PTOV1: variants seen among roughly 807,000 people sequenced by gnomAD.
PTOV1 encodes PTOV1 extended AT-hook containing adaptor protein, also known as prostate tumor-overexpressed gene 1 protein.
A neutral mutation model predicts 58.0 loss-of-function variants in PTOV1; 20 were observed. That is an observed-to-expected ratio of 0.34 (90% CI 0.24 to 0.50). The LOEUF (loss-of-function observed/expected upper bound fraction) is 0.50, where lower values mean the gene tolerates loss of function less well. Ranked by LOEUF, PTOV1 falls within the 20% of genes least tolerant of loss-of-function variation. The probability of loss-of-function intolerance (pLI) is 0.98; values close to 1 mark genes in which losing one functional copy is unlikely to be tolerated. For missense variants in PTOV1, 593 were observed against 565.4 expected, an observed-to-expected ratio of 1.05 and a Z score of -0.50; for synonymous variants, 335 against 234.2, an observed-to-expected ratio of 1.43 and a Z score of -3.93.
chr19:49,859,866 G>A lies in PTOV1; in HGVS notation c.1042-120G>A, dbSNP rs925146414. ...GGCCCACCTCCAGGGTGGGTGGGGG[G>A]TGTGAGGACAGAGCAGTTAGGCTGT... On this transcript the variant is annotated intron_variant, in intron 10 of 11. Transcript: ENST00000391842. The A allele has an allele frequency of 9.2e-6, 10 of 1,087,872 alleles. No homozygotes were observed. In the African/African-American group the frequency reaches 1.2e-4, roughly 14 times the overall value. The allele number at this position is 1,087,872 out of a possible 1,614,324, so 67.4% of individuals were successfully genotyped here. A position where few individuals can be genotyped will look rare whatever the true frequency, so the allele number is the denominator to read the frequency against.
exon 10 of PTOV1, chr19:49,858,578 G>T (rs372015619): frequency 1.9e-6 from 3 of 1,605,068 alleles, no homozygotes; most frequent in Non-Finnish European, 1.7e-6. Context: ...TCCGGAACTC[G>T]CGCCTGGTCC....
downstream of PTOV1, chr19:49,860,736 A>C: frequency 3.4e-6 from 1 of 290,538 alleles, no homozygotes; most frequent in Non-Finnish European, 6.5e-6. Flanking sequence ...AGCCTTTTAA[A>C]AACCTGCCTG....
intron 6 of PTOV1, chr19:49,857,447 G>A (rs2074524288): frequency 1.6e-6 from 1 of 608,134 alleles, no homozygotes; most frequent in Non-Finnish European, 2.9e-6. Flanking sequence ...GTCATGCCTT[G>A]CCAGTTGAGG....
rs779809681 is a variant in PTOV1, at chr19:49,860,321, GC to G, written c.*47del. ...GGCCCCTCCAGGAGTCACAGATGAG[GC>G]CCCCGCAGAGACTGGTGAGTGGTGA... On this transcript the variant is annotated 3_prime_UTR_variant, in exon 12 of 12. Transcript: ENST00000391842. The G allele has an allele frequency of 2.9e-6, 4 of 1,361,474 alleles. No individual in the cohort carries two copies. In the South Asian group the frequency reaches 4.6e-5, roughly 16 times the overall value. 84.3% of individuals were successfully genotyped at this position (1,361,474 alleles called of 1,614,324 possible).
intron 10 of PTOV1, 115 bp downstream of exon 10, chr19:49,858,768 G>C: frequency 2.2e-6 from 2 of 891,826 alleles, no homozygotes; most frequent in Non-Finnish European, 1.8e-6. Flanking sequence ...ACCAGCTGGG[G>C]AGAGAGGGTG....
exon 12 of PTOV1, chr19:49,860,367 GACC>G: frequency 1.9e-6 from 1 of 535,130 alleles, no homozygotes; most frequent in Non-Finnish European, 3.4e-6. Flanking sequence ...GTACAGGAGG[GACC>G]CTGGGGCATG....
chr19:49,860,549 C>T, exon 12 of PTOV1: 1 of 590,670 alleles, frequency 1.7e-6, no homozygotes, highest in Non-Finnish European at 3.0e-6. Context: ...CCTCTGCTCA[C>T]AGGGATGTGG....
chr19:49,856,742 C>T lies in PTOV1; in HGVS notation c.559-233C>T, dbSNP rs550890771. On this transcript the variant is annotated intron_variant, in intron 5 of 11. Coordinates refer to ENST00000391842, the Ensembl canonical transcript of PTOV1. ...GGTAGTGCCTTCTTGGCATTCTCAC[C>T]GCAGCCTGGGTGCCGGGTGCCACTC... is the stretch of plus-strand genomic sequence containing the variant. 242 of 533,488 alleles carry T rather than the reference C, an allele frequency of 4.5e-4. 1 individual carries two copies. The highest frequency in any genetic ancestry group is 3.6e-3 in the African/African-American group (190 of 52,212). The allele number at this position is 533,488 out of a possible 1,614,324, so 33.0% of individuals were successfully genotyped here.
At chr19:49,855,739 G>A (rs1446496117) in intron 5 of PTOV1, 3 of 154,938 alleles carry the variant, frequency 1.9e-5, no homozygotes, top group African/African-American at 7.2e-5. Flanking sequence ...TCTGAGGTAG[G>A]GAGGACAGGG....
intron 1 of PTOV1, chr19:49,852,594 TGATGTGC>T (rs2074296414): frequency 6.6e-6 from 1 of 152,232 alleles, no homozygotes; most frequent in Non-Finnish European, 1.5e-5. Context: ...CGTCCCATCT[TGATGTGC>T]TGCTCCTGCT....
chr19:49,851,702 G>T, intron 1 of PTOV1: 1 of 1,153,402 alleles, frequency 8.7e-7, no homozygotes, highest in Non-Finnish European at 1.1e-6. Context: ...GTTCGGGCCG[G>T]GGTGGGGGGT....
chr19:49,856,726 T>G (rs1274679284), intron 5 of PTOV1: 6 of 502,284 alleles, frequency 1.2e-5, no homozygotes, highest in African/African-American at 5.8e-5. Context: ...AGGTAGTGCC[T>G]TCTTGGCATT....
chr19:49,854,266 G>A, intron 1 of PTOV1, 140 bp from the exon 2 acceptor site: 1 of 1,131,124 alleles, frequency 8.8e-7, no homozygotes, highest in South Asian at 1.5e-5. Flanking sequence ...GGTGAGCAGA[G>A]GGTTTGGACA....
At chr19:49,860,453 C>T in exon 12 of PTOV1, 4 of 1,007,940 alleles carry the variant, frequency 4.0e-6, no homozygotes, top group Non-Finnish European at 5.7e-6. Context: ...GGAGAGGCAG[C>T]AGTCCCAGCG....
upstream of PTOV1, chr19:49,851,149 C>G (rs980730058): frequency 2.3e-6 from 3 of 1,303,936 alleles, no homozygotes; most frequent in South Asian, 2.1e-5. Flanking sequence ...CGGGCTCCCC[C>G]GCTCGCCTCA....
exon 12 of PTOV1, chr19:49,860,385 G>T: frequency 7.8e-7 from 1 of 1,274,752 alleles, no homozygotes; most frequent in Non-Finnish European, 1.1e-6. Flanking sequence ...GGCATGTGGG[G>T]GGGGTGGGGT....
At chr19:49,854,312 G>A in intron 1 of PTOV1, 94 bp from the exon 2 acceptor site, 2 of 1,491,542 alleles carry the variant, frequency 1.3e-6, no homozygotes, top group Non-Finnish European at 1.8e-6. Context: ...ATTTGGGGCT[G>A]AATATTGGGA....
intron 1 of PTOV1, chr19:49,851,757 G>A: frequency 3.7e-6 from 4 of 1,090,714 alleles, no homozygotes; most frequent in Non-Finnish European, 4.5e-6. Context: ...CTGACTCCGC[G>A]GCCCGATTTA....
At chr19:49,856,940 A>G (rs374118414) in intron 5 of PTOV1, 35 bp from the exon 6 acceptor site, 92 of 1,609,408 alleles carry the variant, frequency 5.7e-5, no homozygotes, top group Non-Finnish European at 7.5e-5. Flanking sequence ...GGCCCCGGGC[A>G]GTGACCACAG....
Sources: gnomAD v4.1 joint callset for allele counts on GRCh38, gnomAD v4.1.1 for gene constraint, MANE v1.5 for transcripts, NCBI Gene and HGNC (gene_info 2026-07-23, HGNC 2026-07-21) for gene names.